CIB2: variants seen among roughly 807,000 people sequenced by gnomAD.
The protein encoded by CIB2 is calcium and integrin-binding family member 2.
Under a neutral mutation model 23.1 loss-of-function variants are expected in CIB2, and 19 were observed. The observed-to-expected ratio is 0.82, with a 90% CI of 0.57 to 1.21. The LOEUF is 1.21. CIB2 is among the 50% of genes most tolerant of loss of function. CIB2 has a pLI of 0.00. For synonymous variants in CIB2, 94 were observed against 91.7 expected, an observed-to-expected ratio of 1.03 and a Z score of -0.14; for missense variants, 220 against 241.5, an observed-to-expected ratio of 0.91 and a Z score of 0.59.
chr15:78,121,171 G>A (rs1596359451), intron 2 of CIB2, among the ~76,000 whole-genome samples: 1 of 152,062 alleles, frequency 6.6e-6, no homozygotes, highest in South Asian at 2.1e-4. Flanking sequence ...TGGACAGGTG[G>A]GCAGCAAACT....
intron 2 of CIB2, among the ~76,000 whole-genome samples, chr15:78,113,455 ACTT>A (rs2074188899): frequency 6.7e-6 from 1 of 149,810 alleles, no homozygotes; most frequent in South Asian, 2.1e-4. Context: ...GAGGAAAACT[ACTT>A]TTTTTTTTTT....
chr15:78,131,145 G>C lies in CIB2; in HGVS notation c.51+20C>G, dbSNP rs1254788247. ...CGGGGCGGCGGGGCCTGTGTTGGGG[G>C]CCGGGCGCGCCGAGCTCACCTGGTA... On this transcript the variant is annotated intron_variant, in intron 1 of 5. Coordinates refer to ENST00000258930, the MANE Select transcript of CIB2 (RefSeq NM_006383.4). The surrounding 1 kb of genome is among the most constrained non-coding windows in gnomAD (Gnocchi z 5.8). 6 of 1,574,878 alleles carry C rather than the reference G, an allele frequency of 3.8e-6. No individual in the cohort carries two copies. The highest frequency in any genetic ancestry group is 2.7e-5 in the African/African-American group (2 of 73,758).
In CIB2 at chr15:78,131,097, C is replaced by T; in HGVS notation, c.51+68G>A. On this transcript the variant is annotated intron_variant, in intron 1 of 5. Coordinates refer to ENST00000258930, the MANE Select transcript of CIB2 (RefSeq NM_006383.4). This position sits in a 1 kb window ranked among gnomAD's most constrained non-coding sequence, Gnocchi z 5.8. Reference sequence around the variant, plus strand: ...CTGGCTCTCGGGAGGCCTCGGCCAGCGACCGAGAAAAGGGAGGGGCGGCGG... The same window carrying T: ...CTGGCTCTCGGGAGGCCTCGGCCAGTGACCGAGAAAAGGGAGGGGCGGCGG... 1 of 1,401,496 alleles carries T rather than the reference C, an allele frequency of 7.1e-7. No homozygotes were observed. Among genetic ancestry groups the T allele is most frequent in the African/African-American group, 1.4e-5 (1 of 69,140 alleles). The allele number at this position is 1,401,496 out of a possible 1,614,324, so 86.8% of individuals were successfully genotyped here.
At position 78,109,213 on chromosome 15, in the gene CIB2, CCCCT is replaced by C. The variant is rs1348302808; in HGVS notation, c.346+18_346+21del. 9.1e-7 allele frequency: 1 copy of C among 1,101,788 alleles called. No homozygotes were observed. The highest frequency in any genetic ancestry group is 1.3e-6 in the Non-Finnish European group (1 of 769,412). 68.3% of individuals were successfully genotyped at this position (1,101,788 alleles called of 1,614,324 possible). On this transcript the variant is annotated intron_variant, in intron 4 of 5. Coordinates refer to ENST00000258930, the MANE Select transcript of CIB2 (RefSeq NM_006383.4). ...ATGTTCCCCCACCGCATATTCAGGC[CCCCT>C]CCTCTAGCCCTGGTTACCATAGATC... is the stretch of plus-strand genomic sequence containing the variant.
In CIB2 at chr15:78,109,308, A is replaced by G; in HGVS notation, c.273T>C (p.Phe91=). 6.2e-7 allele frequency: 1 copy of G among 1,613,264 alleles called. No individual in the cohort carries two copies. Among genetic ancestry groups the G allele is most frequent in the Non-Finnish European group, 8.5e-7 (1 of 1,179,762 alleles). ...CGCAGAGCACGGAAAACATGTCCAC[A>G]AAGTCGTTGAAAGTGAGGTTCCCCT... ...DGEGNLTFND[F]VDMFSVLCES... The change falls in exon 4 of 6, where the codon TTT becomes TTC. Residue 91 remains phenylalanine (F), a synonymous_variant. Transcript: ENST00000258930.
Position 78,109,279 on chromosome 15 carries a change from G to C in CIB2, c.302C>G (p.Ser101Trp). The change falls in exon 4 of 6, where the codon TCG (serine) becomes TGG (tryptophan). Residue 101 changes from serine (S) to tryptophan (W), a missense_variant. Physicochemically the swap from Ser to Trp is radical, Grantham distance 177 (BLOSUM62 -3). Transcript: ENST00000258930. Reference sequence around the variant, plus strand: ...GTTTGCCTTGAGCTCTCGGGGAGCCGACTCGCAGAGCACGGAAAACATGTC... The same window carrying C: ...GTTTGCCTTGAGCTCTCGGGGAGCCCACTCGCAGAGCACGGAAAACATGTC... ...FVDMFSVLCE[S>W]APRELKANYA... is the part of the protein sequence containing the mutation. 2 of 1,611,812 alleles carry C rather than the reference G, an allele frequency of 1.2e-6. No individual in the cohort carries two copies. The highest frequency in any genetic ancestry group is 1.7e-6 in the Non-Finnish European group (2 of 1,179,348).
chr15:78,126,107 T>C (rs1047077503), intron 1 of CIB2, among the ~76,000 whole-genome samples: 1 of 151,508 alleles, frequency 6.6e-6, no homozygotes, highest in Non-Finnish European at 1.5e-5. Flanking sequence ...GGGCTGGGAA[T>C]GGAACTTAGG....
chr15:78,124,131 G>A (rs1310451025), intron 1 of CIB2, among the ~76,000 whole-genome samples: 3 of 152,136 alleles, frequency 2.0e-5, no homozygotes, highest in South Asian at 2.1e-4. Flanking sequence ...GGGCCACCTC[G>A]TGTAGCTGCA....
At position 78,105,757 on chromosome 15, in the gene CIB2, T is replaced by C. The variant is rs1447909604; in HGVS notation, c.524A>G (p.Lys175Arg). The C allele has an allele frequency of 6.2e-7, 1 of 1,614,028 alleles. No individual in the cohort carries two copies. Among genetic ancestry groups the C allele is most frequent in the African/African-American group, 1.3e-5 (1 of 74,934 alleles). Reference sequence around the variant, plus strand: ...GCAGCACCTGAGGAAGTCAGGGGCCTTGGCAATCATGTCCTCGAAGTCAGC... The same window carrying C: ...GCAGCACCTGAGGAAGTCAGGGGCCCTGGCAATCATGTCCTCGAAGTCAGC... Reference protein sequence around the residue: ...GFADFEDMIAKAPDFLSTFHI... With the variant: ...GFADFEDMIARAPDFLSTFHI... Residue 175 changes from lysine (K) to arginine (R), a missense_variant, in exon 5 of 6, where the codon AAG (lysine) becomes AGG (arginine). Coordinates refer to ENST00000258930, the MANE Select transcript of CIB2 (RefSeq NM_006383.4).
chr15:78,129,779 C>T (rs763509144), intron 1 of CIB2, among the ~76,000 whole-genome samples: 7 of 152,230 alleles, frequency 4.6e-5, no homozygotes, highest in Non-Finnish European at 1.0e-4. Flanking sequence ...GCCTAGGAGT[C>T]AAGATTCGAA....
chr15:78,110,342 GCTTGCTCTTGAGC>G (rs2074138001), intron 3 of CIB2, among the ~76,000 whole-genome samples: 2 of 152,238 alleles, frequency 1.3e-5, no homozygotes, highest in African/African-American at 4.8e-5. Context: ...AACCCTCTGA[GCTTGCTCTTGAGC>G]CCCTTGCTGG....
intron 2 of CIB2, among the ~76,000 whole-genome samples, chr15:78,119,942 C>G (rs1307723326): frequency 6.6e-6 from 1 of 151,718 alleles, no homozygotes; most frequent in Non-Finnish European, 1.5e-5. Flanking sequence ...GCTCTGTTGC[C>G]CAGGCTGGTG....
At chr15:78,109,421 A>G in intron 3 of CIB2, 39 bp from the exon 4 acceptor site, 1 of 1,612,756 alleles carries the variant, frequency 6.2e-7, no homozygotes, top group Admixed American at 1.7e-5. Flanking sequence ...TGGGTGCAGG[A>G]TAAGCAGGAG....
chr15:78,105,158 A>G lies in CIB2; in HGVS notation c.*153T>C. 2 of 1,060,488 alleles carry G rather than the reference A, an allele frequency of 1.9e-6. No individual in the cohort carries two copies. Among genetic ancestry groups the G allele is most frequent in the Admixed American group, 2.4e-5 (1 of 40,952 alleles). The allele number at this position is 1,060,488 out of a possible 1,614,324, so 65.7% of individuals were successfully genotyped here. On this transcript the variant is annotated 3_prime_UTR_variant, in exon 6 of 6. Coordinates refer to ENST00000258930, the MANE Select transcript of CIB2 (RefSeq NM_006383.4). Reference sequence around the variant, plus strand: ...ACCTTCACAGGCCCCCTTCCTGGTTAAGGTTTTTTTTTTGCTGAAAGGGCC... The same window carrying G: ...ACCTTCACAGGCCCCCTTCCTGGTTGAGGTTTTTTTTTTGCTGAAAGGGCC...
Position 78,112,178 on chromosome 15 carries a change from T to C in CIB2, c.87-902A>G, listed in dbSNP as rs577845190. On this transcript the variant is annotated intron_variant, in intron 2 of 5. Coordinates refer to ENST00000258930, the MANE Select transcript of CIB2 (RefSeq NM_006383.4). ...TCCCTTCCTCCCCGCCCCCTGCCCATTATTCAGTCTTTCTTTGCCCTATGT... is the reference window on the plus strand; with the variant it reads ...TCCCTTCCTCCCCGCCCCCTGCCCACTATTCAGTCTTTCTTTGCCCTATGT... Among the ~76,000 whole-genome samples, 238 of 152,142 alleles carry C rather than the reference T, an allele frequency of 1.6e-3. 1 individual carries two copies. Among genetic ancestry groups the C allele is most frequent in the Middle Eastern group, 3.4e-3 (1 of 294 alleles).
intron 4 of CIB2, among the ~76,000 whole-genome samples, chr15:78,108,859 C>T (rs894127688): frequency 2.0e-5 from 3 of 152,216 alleles, no homozygotes; most frequent in African/African-American, 7.2e-5. Context: ...AAGTTCCTCC[C>T]ATCTCCTTAT....
intron 2 of CIB2, among the ~76,000 whole-genome samples, chr15:78,114,135 A>G (rs1422005889): frequency 1.3e-5 from 2 of 152,186 alleles, no homozygotes. Flanking sequence ...ACTGGCCTTC[A>G]ACTGGCAGCT....
In CIB2 at chr15:78,109,275, A is replaced by C; in HGVS notation, c.306T>G (p.Ala102=). Residue 102 remains alanine, a synonymous_variant, in exon 4 of 6, where the codon GCT becomes GCG. Coordinates refer to ENST00000258930, the MANE Select transcript of CIB2 (RefSeq NM_006383.4). ...VDMFSVLCES[A]PRELKANYAF... ...CATAGTTTGCCTTGAGCTCTCGGGG[A>C]GCCGACTCGCAGAGCACGGAAAACA... The C allele has an allele frequency of 6.5e-7, 1 of 1,550,094 alleles. No homozygotes were observed. The highest frequency in any genetic ancestry group is 8.8e-7 in the Non-Finnish European group (1 of 1,141,942).
chr15:78,118,771 T>C (rs1383466589), intron 2 of CIB2, among the ~76,000 whole-genome samples: 1 of 152,090 alleles, frequency 6.6e-6, no homozygotes, highest in Non-Finnish European at 1.5e-5. Flanking sequence ...CCACCACTGA[T>C]CCACCTCCAG....
Sources: allele counts gnomAD v4.1 joint callset (sites outside exome capture counted in the v4.1 genomes callset), GRCh38; gene constraint gnomAD v4.1.1; non-coding constraint Gnocchi (gnomAD v3.1); transcripts MANE v1.5; gene names NCBI Gene and HGNC (gene_info 2026-07-23, HGNC 2026-07-21).